Variants in TDRP observed in about 807,000 individuals in gnomAD.
TDRP encodes the protein testis development-related protein.
In TDRP, 12 loss-of-function variants were observed where a neutral mutation model predicts 10.5. The ratio of observed to expected loss-of-function variants is 1.15; its 90% CI spans 0.73 to 1.86. The LOEUF is 1.86. Ranked by LOEUF, TDRP falls within the 40% of genes most tolerant of loss-of-function variation. The pLI, the probability that TDRP is intolerant of heterozygous loss-of-function variation, is 0.00. For missense variants in TDRP, 353 were observed against 229.2 expected, an observed-to-expected ratio of 1.54 and a Z score of -3.49; for synonymous variants, 139 against 95.4, an observed-to-expected ratio of 1.46 and a Z score of -2.67.
chr8:504,180 C>G (rs888232265), intron 1 of TDRP, among the ~76,000 whole-genome samples: 1 of 152,242 alleles, frequency 6.6e-6, no homozygotes, highest in African/African-American at 2.4e-5. Context: ...CCTCATCTGT[C>G]AGATGCCAGC....
intron 1 of TDRP, among the ~76,000 whole-genome samples, chr8:519,505 A>T (rs1801842239): frequency 6.6e-6 from 1 of 152,046 alleles, no homozygotes; most frequent in Admixed American, 6.6e-5. Flanking sequence ...CTACATGCAA[A>T]CTGTTGTACA....
At chr8:519,224 T>A (rs1028146849) in intron 1 of TDRP, among the ~76,000 whole-genome samples, 1 of 152,248 alleles carries the variant, frequency 6.6e-6, no homozygotes, top group East Asian at 1.9e-4. Context: ...AGAGCATGCA[T>A]GTTGAGAGGG....
intron 1 of TDRP, among the ~76,000 whole-genome samples, chr8:520,393 G>T (rs1015331576): frequency 6.6e-6 from 1 of 152,126 alleles, no homozygotes; most frequent in Non-Finnish European, 1.5e-5. Flanking sequence ...TATTATAAGT[G>T]GTGCTGTAAT....
Position 491,474 on chromosome 8 carries a change from T to C in TDRP, c.*925A>G. ...TCTCAAACCGGTCGTCGATTATTCT[T>C]GTGGAAAAAACACAGCTTCTTACAG... is the stretch of plus-strand genomic sequence containing the variant. On this transcript the variant is annotated 3_prime_UTR_variant, in exon 3 of 3. Transcript: ENST00000324079. 2 of 792,232 alleles carry C rather than the reference T, an allele frequency of 2.5e-6. No homozygotes were observed. Among genetic ancestry groups the C allele is most frequent in the African/African-American group, 1.8e-5 (1 of 55,730 alleles). The allele number at this position is 792,232 out of a possible 1,614,324, so 49.1% of individuals were successfully genotyped here. A position where few individuals can be genotyped will look rare whatever the true frequency, so the allele number is the denominator to read the frequency against.
At chr8:523,315 T>G (rs1478033255) in intron 1 of TDRP, among the ~76,000 whole-genome samples, 1 of 152,188 alleles carries the variant, frequency 6.6e-6, no homozygotes, top group Non-Finnish European at 1.5e-5. Context: ...CTATCACAAA[T>G]TAATTTTTTC....
intron 1 of TDRP, among the ~76,000 whole-genome samples, chr8:537,417 G>A (rs1047218225): frequency 2.0e-5 from 3 of 152,182 alleles, no homozygotes; most frequent in Non-Finnish European, 4.4e-5. Flanking sequence ...CAAATCCTAA[G>A]TCAGTAAAAA....
intron 1 of TDRP, among the ~76,000 whole-genome samples, chr8:518,038 G>T (rs1801803435): frequency 6.6e-6 from 1 of 152,162 alleles, no homozygotes; most frequent in Non-Finnish European, 1.5e-5. Flanking sequence ...TACACTGGTG[G>T]ACACGTGCCA....
At chr8:514,409 G>A (rs555595132) in intron 1 of TDRP, among the ~76,000 whole-genome samples, 2 of 152,280 alleles carry the variant, frequency 1.3e-5, no homozygotes, top group East Asian at 3.9e-4. Flanking sequence ...CCACATGTAA[G>A]AAAATGAAGT....
At chr8:537,469 T>A (rs1396962097) in intron 1 of TDRP, among the ~76,000 whole-genome samples, 1 of 152,236 alleles carries the variant, frequency 6.6e-6, no homozygotes, top group African/African-American at 2.4e-5. Flanking sequence ...ACCTCCTTTT[T>A]CTTCTTTTAG....
intron 1 of TDRP, among the ~76,000 whole-genome samples, chr8:534,478 C>T (rs1802293783): frequency 6.6e-6 from 1 of 152,202 alleles, no homozygotes; most frequent in South Asian, 2.1e-4. Flanking sequence ...AGCCCTGTAA[C>T]TCATGCCTGA....
At chr8:496,061 C>A (rs185325398) in intron 1 of TDRP, among the ~76,000 whole-genome samples, 25 of 152,308 alleles carry the variant, frequency 1.6e-4, no homozygotes, top group African/African-American at 5.8e-4. Context: ...GCCAAAGAAA[C>A]CATCACAACA....
intron 1 of TDRP, among the ~76,000 whole-genome samples, chr8:502,838 G>C (rs188367089): frequency 1.5e-4 from 23 of 152,004 alleles, no homozygotes; most frequent in Middle Eastern, 6.8e-3. Context: ...AGAATCCAGA[G>C]CCACACATCA....
intron 1 of TDRP, among the ~76,000 whole-genome samples, chr8:522,038 C>G (rs544862675): frequency 7.2e-5 from 11 of 152,082 alleles, no homozygotes; most frequent in African/African-American, 2.7e-4. Flanking sequence ...TAAAAATGTG[C>G]CTGACTTTTC....
At chr8:511,595 A>C (rs1463471712) in intron 1 of TDRP, among the ~76,000 whole-genome samples, 2 of 152,234 alleles carry the variant, frequency 1.3e-5, no homozygotes, top group Non-Finnish European at 2.9e-5. Context: ...CTACAAACTA[A>C]TAAGACCTAA....
chr8:542,522 T>G (rs970204757), intron 1 of TDRP, among the ~76,000 whole-genome samples: 6 of 151,844 alleles, frequency 4.0e-5, no homozygotes, highest in African/African-American at 1.2e-4. Flanking sequence ...ACCTGAAAAA[T>G]AGAGTCTATT....
At chr8:493,719 C>A (rs1435399131) in intron 2 of TDRP, among the ~76,000 whole-genome samples, 1 of 152,146 alleles carries the variant, frequency 6.6e-6, no homozygotes, top group Non-Finnish European at 1.5e-5. Flanking sequence ...TCTCTAAAAT[C>A]TTTTACAGTT....
At position 492,766 on chromosome 8, in the gene TDRP, G is replaced by C. The variant is rs540386340; in HGVS notation, c.213-22C>G. 9.7e-6 allele frequency: 15 copies of C among 1,547,826 alleles called. No individual in the cohort carries two copies. In the East Asian group the frequency reaches 3.0e-4, roughly 31 times the overall value. On this transcript the variant is annotated intron_variant, in intron 2 of 2. Coordinates refer to ENST00000324079, the MANE Select transcript of TDRP (RefSeq NM_001384899.1). ...AGTTCTATAGGAGATGAAAGAGTTAGGTGTTGGTGACCCAGGTCTTAGGGC... is the reference window on the plus strand; with the variant it reads ...AGTTCTATAGGAGATGAAAGAGTTACGTGTTGGTGACCCAGGTCTTAGGGC...
chr8:518,783 C>A (rs543543945), intron 1 of TDRP, among the ~76,000 whole-genome samples: 2 of 151,380 alleles, frequency 1.3e-5, no homozygotes, highest in African/African-American at 4.9e-5. Context: ...CTTAAAAGGT[C>A]ATTTACATAA....
chr8:495,866 A>T (rs1585133133), intron 1 of TDRP, among the ~76,000 whole-genome samples: 1 of 152,196 alleles, frequency 6.6e-6, no homozygotes, highest in South Asian at 2.1e-4. Flanking sequence ...CAAAGGGCAG[A>T]GATGACCCTG....
Sources: gnomAD v4.1 joint callset for allele counts (sites outside exome capture counted in the v4.1 genomes callset) on GRCh38, gnomAD v4.1.1 for gene constraint, MANE v1.5 for transcripts, NCBI Gene and HGNC (gene_info 2026-07-23, HGNC 2026-07-21) for gene names.